The following TAFA2 variants were observed in gnomAD, a reference collection of about 807,000 sequenced individuals.
TAFA2 encodes TAFA chemokine like family member 2.
TAFA2 carries 7 observed loss-of-function variants against 18.8 expected under a neutral mutation model. The ratio of observed to expected loss-of-function variants is 0.37; its 90% CI spans 0.21 to 0.70. TAFA2 has a LOEUF of 0.70. TAFA2 is among the 30% of genes least tolerant of loss of function. TAFA2 has a pLI of 0.53. For synonymous variants in TAFA2, 60 were observed against 54.2 expected, an observed-to-expected ratio of 1.11 and a Z score of -0.47; for missense variants, 122 against 158.1, an observed-to-expected ratio of 0.77 and a Z score of 1.23.
chr12:61,909,942 T>A (rs1645313389), intron 1 of TAFA2, among the ~76,000 whole-genome samples: 1 of 152,152 alleles, frequency 6.6e-6, no homozygotes, highest in African/African-American at 2.4e-5. Flanking sequence ...ATTTAACTAA[T>A]AATTATTAAA....
intron 1 of TAFA2, among the ~76,000 whole-genome samples, chr12:61,872,051 C>T (rs1270603030): frequency 1.4e-5 from 2 of 138,412 alleles, no homozygotes; most frequent in Admixed American, 7.5e-5. Context: ...CATACTGCGC[C>T]ACCGCACTCC....
intron 1 of TAFA2, among the ~76,000 whole-genome samples, chr12:62,225,774 T>C (rs1380332415): frequency 2.0e-5 from 3 of 152,196 alleles, no homozygotes; most frequent in African/African-American, 7.2e-5. Context: ...CCCCAAAATA[T>C]GAATTTTTAC....
At chr12:61,943,406 A>T (rs1336010814) in intron 1 of TAFA2, among the ~76,000 whole-genome samples, 16 of 150,888 alleles carry the variant, frequency 1.1e-4, no homozygotes, top group Non-Finnish European at 2.4e-4. Context: ...TAACGAGCAA[A>T]ATCACCAGCT....
intron 1 of TAFA2, among the ~76,000 whole-genome samples, chr12:61,906,372 A>C (rs573810288): frequency 2.4e-4 from 37 of 152,022 alleles, no homozygotes; most frequent in South Asian, 1.0e-3. Context: ...TGGTTTTATA[A>C]AGGGCAATTC....
At chr12:61,737,981 A>G (rs1868332898) in intron 4 of TAFA2, among the ~76,000 whole-genome samples, 1 of 152,056 alleles carries the variant, frequency 6.6e-6, no homozygotes, top group African/African-American at 2.4e-5. Context: ...AAAAACTTAC[A>G]TATTGTAACA....
rs543247828 is a variant in TAFA2 at position 61,752,386 on chromosome 12, A to G, written c.384+1236T>C. On this transcript the variant is annotated intron_variant, in intron 4 of 4. Transcript: ENST00000416284. ...GAATTTCCTTAAGTCCTGTTTTTGG[A>G]CTGAGAATTAATAGTGCTAGGGAAA... is the stretch of plus-strand genomic sequence containing the variant. 5.7e-4 allele frequency among the ~76,000 whole-genome samples: 86 copies of G among 152,136 alleles called. 1 individual carries two copies. The highest frequency in any genetic ancestry group is 2.0e-3 in the African/African-American group (82 of 41,570).
chr12:62,018,482 A>G (rs1344101422), intron 1 of TAFA2, among the ~76,000 whole-genome samples: 1 of 152,218 alleles, frequency 6.6e-6, no homozygotes, highest in Admixed American at 6.5e-5. Context: ...CCAATGGAGC[A>G]GAACAGAGGC....
intron 4 of TAFA2, among the ~76,000 whole-genome samples, chr12:61,736,484 A>G (rs974468047): frequency 6.6e-6 from 1 of 152,024 alleles, no homozygotes; most frequent in Non-Finnish European, 1.5e-5. Context: ...GAAATTTATT[A>G]TTGGTATTTT....
chr12:62,220,615 T>G (rs1408860725), intron 1 of TAFA2, among the ~76,000 whole-genome samples: 2 of 152,212 alleles, frequency 1.3e-5, no homozygotes, highest in Non-Finnish European at 2.9e-5. Flanking sequence ...CGCATCAATG[T>G]AAGTTCATTG....
At chr12:62,201,608 A>C (rs940064685) in intron 1 of TAFA2, among the ~76,000 whole-genome samples, 1 of 152,220 alleles carries the variant, frequency 6.6e-6, no homozygotes, top group African/African-American at 2.4e-5. Flanking sequence ...ATGGTGGATA[A>C]GCTTTTTGAT....
At chr12:61,937,715 T>G (rs1877829531) in intron 1 of TAFA2, among the ~76,000 whole-genome samples, 1 of 152,018 alleles carries the variant, frequency 6.6e-6, no homozygotes, top group African/African-American at 2.4e-5. Context: ...AAAAGAAAAC[T>G]TAGAAAAAAT....
At chr12:62,229,112 G>A (rs2062800905) in intron 1 of TAFA2, among the ~76,000 whole-genome samples, 1 of 151,842 alleles carries the variant, frequency 6.6e-6, no homozygotes, top group Non-Finnish European at 1.5e-5. Flanking sequence ...ACAATTCTTG[G>A]TGGTGTCTAG....
At chr12:62,147,314 GTGTGTATGTATGTATA>G (rs1174436922) in intron 1 of TAFA2, among the ~76,000 whole-genome samples, 2 of 28,222 alleles carry the variant, frequency 7.1e-5, no homozygotes, top group Non-Finnish European at 7.4e-5. Flanking sequence ...ATGTGTGTGT[GTGTGTATGTATGTATA>G]TATATATATA....
intron 1 of TAFA2, among the ~76,000 whole-genome samples, chr12:62,125,533 T>G (rs1870420345): frequency 6.6e-6 from 1 of 152,134 alleles, no homozygotes; most frequent in Admixed American, 6.6e-5. Context: ...TTAGTTTAGT[T>G]CCCAAATGCT....
intron 1 of TAFA2, among the ~76,000 whole-genome samples, chr12:62,038,426 C>G (rs1196451100): frequency 6.6e-6 from 1 of 152,048 alleles, no homozygotes; most frequent in Non-Finnish European, 1.5e-5. Flanking sequence ...AAAAGAAAAG[C>G]ATTACAATAA....
At chr12:61,721,386 A>T (rs889442523) in intron 4 of TAFA2, among the ~76,000 whole-genome samples, 4 of 152,194 alleles carry the variant, frequency 2.6e-5, no homozygotes. Flanking sequence ...TGTGATCTTA[A>T]CCATTCATAG....
chr12:61,820,749 T>C (rs986406986), intron 2 of TAFA2, among the ~76,000 whole-genome samples: 2 of 151,998 alleles, frequency 1.3e-5, no homozygotes, highest in Admixed American at 1.3e-4. Context: ...TACAAGCTTT[T>C]TTCCCCAGCT....
At chr12:62,120,886 G>T (rs560987946) in intron 1 of TAFA2, among the ~76,000 whole-genome samples, 9 of 151,180 alleles carry the variant, frequency 6.0e-5, no homozygotes, top group Admixed American at 1.3e-4. Context: ...ATGGAGTTTC[G>T]CTCTTATTGC....
At chr12:62,116,178 C>G (rs1394842440) in intron 1 of TAFA2, among the ~76,000 whole-genome samples, 1 of 152,082 alleles carries the variant, frequency 6.6e-6, no homozygotes, top group East Asian at 1.9e-4. Context: ...TTGAAGGGAC[C>G]TGAGAAGTAC....
Sources: gnomAD v4.1 joint callset for allele counts (sites outside exome capture counted in the v4.1 genomes callset) on GRCh38, gnomAD v4.1.1 for gene constraint, MANE v1.5 for transcripts, NCBI Gene and HGNC (gene_info 2026-07-23, HGNC 2026-07-21) for gene names.